The following DNAH11 variants were observed in gnomAD, a reference collection of about 807,000 sequenced individuals.
The protein encoded by DNAH11 is axonemal beta dynein heavy chain 11.
Under a neutral mutation model 526.0 loss-of-function variants are expected in DNAH11, and 442 were observed. The observed-to-expected ratio is 0.84, with a 90% CI of 0.78 to 0.91. DNAH11 has a LOEUF of 0.91. Ranked by LOEUF, DNAH11 falls within the 40% of genes least tolerant of loss-of-function variation. The pLI is 0.00. For synonymous variants in DNAH11, 2,461 were observed against 1,935.9 expected (o/e 1.27, Z -7.12); for missense variants, 6,989 against 5,448.7 (o/e 1.28, Z -8.90).
At chr7:21,805,806 A>G (rs1789239557) in intron 62 of DNAH11, among the ~76,000 whole-genome samples, 1 of 152,234 alleles carries the variant, frequency 6.6e-6, no homozygotes, top group Non-Finnish European at 1.5e-5. Context: ...ATATATTTTT[A>G]AAGGATTAAT....
chr7:21,716,378 C>CA (rs1784663320), intron 42 of DNAH11, among the ~76,000 whole-genome samples: 2 of 152,298 alleles, frequency 1.3e-5, no homozygotes, highest in African/African-American at 4.8e-5. Flanking sequence ...GCACTTTATA[C>CA]ATGCAAACTT....
At chr7:21,565,399 T>C (rs7787997) in intron 6 of DNAH11, among the ~76,000 whole-genome samples, 16,364 of 152,212 alleles carry the variant, frequency 0.11, 1,515 homozygotes, top group East Asian at 0.29. Context: ...TCAATTTGAA[T>C]GGACACAATT....
At chr7:21,681,743 G>C in intron 31 of DNAH11, 66 bp downstream of exon 31, 1 of 1,585,592 alleles carries the variant, frequency 6.3e-7, no homozygotes, top group South Asian at 1.1e-5. Context: ...TATTGCCAGA[G>C]TAGTTCCAAG....
intron 30 of DNAH11, among the ~76,000 whole-genome samples, chr7:21,662,853 A>G (rs377610597): frequency 2.0e-5 from 3 of 152,126 alleles, no homozygotes; most frequent in Admixed American, 1.3e-4. Context: ...GCAGAAATGT[A>G]TGAAGTACAA....
At chr7:21,722,074 A>T (rs1160674434) in intron 44 of DNAH11, among the ~76,000 whole-genome samples, 1 of 152,320 alleles carries the variant, frequency 6.6e-6, no homozygotes, top group East Asian at 1.9e-4. Context: ...TAGACTTACC[A>T]AAGTGCAAAG....
At chr7:21,634,750 C>CA (rs952310500) in intron 25 of DNAH11, among the ~76,000 whole-genome samples, 1 of 151,956 alleles carries the variant, frequency 6.6e-6, no homozygotes, top group Non-Finnish European at 1.5e-5. Flanking sequence ...ATGTGCACAC[C>CA]AAACTCCCAT....
At chr7:21,575,913 T>A (rs1016825941) in intron 8 of DNAH11, among the ~76,000 whole-genome samples, 1 of 152,226 alleles carries the variant, frequency 6.6e-6, no homozygotes, top group South Asian at 2.1e-4. Context: ...TCCATCAGAT[T>A]TATATACTAA....
intron 28 of DNAH11, among the ~76,000 whole-genome samples, chr7:21,644,256 C>T (rs1408454928): frequency 6.6e-6 from 1 of 152,050 alleles, no homozygotes; most frequent in Non-Finnish European, 1.5e-5. Flanking sequence ...ACCCCACATT[C>T]CCACAAGCAC....
chr7:21,637,151 T>C (rs1373440167), intron 26 of DNAH11, among the ~76,000 whole-genome samples: 1 of 152,120 alleles, frequency 6.6e-6, no homozygotes, highest in East Asian at 1.9e-4. Flanking sequence ...GGTATGCTTT[T>C]TAAGATTCTG....
At chr7:21,708,585 C>T (rs574798419) in intron 40 of DNAH11, among the ~76,000 whole-genome samples, 62 of 152,208 alleles carry the variant, frequency 4.1e-4, no homozygotes, top group Admixed American at 4.6e-4. Context: ...TATAATCCAA[C>T]CTTTTCCATG....
chr7:21,752,068 G>C (rs1035608129), intron 54 of DNAH11, among the ~76,000 whole-genome samples: 4 of 152,238 alleles, frequency 2.6e-5, no homozygotes, highest in Non-Finnish European at 4.4e-5. Context: ...TCCTGAAGCA[G>C]AAACTTTGGG....
intron 65 of DNAH11, among the ~76,000 whole-genome samples, chr7:21,819,781 G>T (rs891669671): frequency 3.9e-5 from 6 of 152,114 alleles, no homozygotes; most frequent in African/African-American, 1.4e-4. Flanking sequence ...GATTCTAGAG[G>T]TCTTCAATTT....
At chr7:21,806,419 T>A (rs1005208054) in intron 62 of DNAH11, among the ~76,000 whole-genome samples, 2 of 152,202 alleles carry the variant, frequency 1.3e-5, no homozygotes, top group Admixed American at 6.5e-5. Context: ...CTGAAGTTCC[T>A]TAGTGTTTAA....
rs147608492 is a variant in DNAH11, at chr7:21,894,773, A to G, written c.12901A>G (p.Ile4301Val). 114 of 1,611,900 alleles carry G rather than the reference A, an allele frequency of 7.1e-5. 1 individual carries two copies. The East Asian group carries it at 1.5e-3, about 21-fold the overall frequency. ...GAATATTCTCATTCGGGAAATACGT[A>G]TATCACTTGAACAACTGGACCTTAG... Reference protein sequence around the residue: ...RMNILIREIRISLEQLDLSLK... With the variant: ...RMNILIREIRVSLEQLDLSLK... The change falls in exon 78 of 82, where the codon ATA becomes GTA. Residue 4301 changes from isoleucine (I) to valine (V), a missense_variant. Transcript: ENST00000409508.
At chr7:21,696,606 T>C (rs1221038918) in intron 35 of DNAH11, among the ~76,000 whole-genome samples, 2 of 152,236 alleles carry the variant, frequency 1.3e-5, no homozygotes, top group Non-Finnish European at 2.9e-5. Context: ...ATTTGGGTCT[T>C]GAAATTTGAA....
At position 21,852,624 on chromosome 7, in the gene DNAH11, A is replaced by G. The variant is rs1782686557; in HGVS notation, c.11054A>G (p.Glu3685Gly). The G allele has an allele frequency of 2.5e-6, 4 of 1,589,144 alleles. No homozygotes were observed. The highest frequency in any genetic ancestry group is 3.4e-6 in the Non-Finnish European group (4 of 1,169,670). ...ACAAAGACCACCGTGGCAGAGATAG[A>G]GCACAAGGTAGGAAGGGCAGAGGGT... is the stretch of plus-strand genomic sequence containing the variant. ...EATKTTVAEI[E>G]HKVIEAKENE... Residue 3685 changes from glutamate to glycine, a missense_variant, in exon 67 of 82, where the codon GAG (glutamate) becomes GGG (glycine). By Grantham distance (98) the Glu-to-Gly change is moderately conservative. Transcript: ENST00000409508.
In DNAH11 at chr7:21,852,249, C is replaced by CA. The variant is rs376725634; in HGVS notation, c.10897-209dup. Among the ~76,000 whole-genome samples, 125 of 149,634 alleles carry CA rather than the reference C, an allele frequency of 8.4e-4. 3 individuals are homozygous for CA. In the South Asian group the frequency reaches 0.012, roughly 14 times the overall value. On this transcript the variant is annotated intron_variant, in intron 66 of 81. Transcript: ENST00000409508. ...GTGAAACCCCGTCTCTACTAAAATACAAAAAAAAATAGCTGGATGTGGTGG... is the reference window on the plus strand; with the variant it reads ...GTGAAACCCCGTCTCTACTAAAATACAAAAAAAAAATAGCTGGATGTGGTGG...
At chr7:21,711,175 C>G (rs1195422499) in intron 41 of DNAH11, among the ~76,000 whole-genome samples, 1 of 152,118 alleles carries the variant, frequency 6.6e-6, no homozygotes, top group Non-Finnish European at 1.5e-5. Context: ...GGTGACGGTA[C>G]AGGTCTGTGA....
chr7:21,826,147 G>A (rs528419378), intron 65 of DNAH11, among the ~76,000 whole-genome samples: 17 of 152,082 alleles, frequency 1.1e-4, no homozygotes, highest in African/African-American at 3.4e-4. Flanking sequence ...AGCTGCGCTT[G>A]TACCCCATAA....
Sources: allele counts gnomAD v4.1 joint callset (sites outside exome capture counted in the v4.1 genomes callset), GRCh38; gene constraint gnomAD v4.1.1; transcripts MANE v1.5; gene names NCBI Gene and HGNC (gene_info 2026-07-23, HGNC 2026-07-21).